PM20D2: variants seen among roughly 807,000 people sequenced by gnomAD.
The protein encoded by PM20D2 is peptidase M20 domain containing 2.
PM20D2 carries 33 observed loss-of-function variants against 42.9 expected under a neutral mutation model. The ratio of observed to expected loss-of-function variants is 0.77; its 90% confidence interval spans 0.58 to 1.03. The LOEUF (loss-of-function observed/expected upper bound fraction) is 1.03, where lower values mean the gene tolerates loss of function less well. PM20D2 is among the 50% of genes least tolerant of loss of function. The pLI, the probability that PM20D2 is intolerant of heterozygous loss-of-function variation, is 0.00. For missense variants in PM20D2, 548 were observed against 557.0 expected (o/e 0.98, Z 0.16); for synonymous variants, 250 against 228.2 (o/e 1.10, Z -0.86).
chr6:89,120,794 G>T, the PM20D2 span, among the ~76,000 whole-genome samples: 4,148 of 152,220 alleles, frequency 0.027, 202 homozygotes, highest in African/African-American at 0.095. Context: ...GATTGCTTGA[G>T]CCCAGGAGTT....
In PM20D2 at chr6:89,146,257, T is replaced by C. The variant is rs901888037; in HGVS notation, c.113T>C (p.Leu38Pro). 6.3e-7 allele frequency: 1 copy of C among 1,580,012 alleles called. No individual in the cohort carries two copies. Among genetic ancestry groups the C allele is most frequent in the Non-Finnish European group, 8.5e-7 (1 of 1,170,922 alleles). ...AECIDEAAERLGALSRAIWSQ... is the reference protein window; with the variant it reads ...AECIDEAAERPGALSRAIWSQ... The stretch of plus-strand genomic sequence containing the variant: ...TGCATCGACGAGGCGGCCGAGCGGC[T>C]GGGGGCCCTGAGCCGCGCGATCTGG... The change falls in exon 1 of 7, where the codon CTG (leucine) becomes CCG (proline). Residue 38 changes from leucine (L) to proline (P), a missense_variant. Transcript: ENST00000275072.
the PM20D2 span, chr6:89,106,925 G>A: frequency 4.8e-5 from 27 of 559,524 alleles, no homozygotes; most frequent in Admixed American, 4.4e-4. Context: ...TTGAACTTTA[G>A]GTGCCTTTTG....
intron 1 of PM20D2, among the ~76,000 whole-genome samples, chr6:89,147,686 C>T (rs1225934947): frequency 1.3e-5 from 2 of 151,112 alleles, no homozygotes; most frequent in South Asian, 2.1e-4. Flanking sequence ...GTTCGAGACC[C>T]GCCTGGCCAA....
rs566274763 is a variant in PM20D2 at position 89,162,710 on chromosome 6, C to T, written c.*447C>T. The T allele has an allele frequency of 6.5e-6, 1 of 153,162 alleles. No individual in the cohort carries two copies. Among genetic ancestry groups the T allele is most frequent in the African/African-American group, 2.4e-5 (1 of 41,538 alleles). 9.5% of individuals were successfully genotyped at this position (153,162 alleles called of 1,614,324 possible). A position where few individuals can be genotyped will look rare whatever the true frequency, so the allele number is the denominator to read the frequency against. ...GTGTTTTGTGGTATAGGGTGGTAAA[C>T]TTGTTCTCTAATCGTATATTAATTC... On this transcript the variant is annotated 3_prime_UTR_variant, in exon 7 of 7. Coordinates refer to ENST00000275072, the MANE Select transcript of PM20D2 (RefSeq NM_001010853.3).
At position 89,149,365 on chromosome 6, in the gene PM20D2, A is replaced by G. The variant is rs1770748556; in HGVS notation, c.566A>G (p.His189Arg). ...FTNLDVVFMA[H>R]PSQENAAYLP... ...AATCTTGATGTTGTTTTTATGGCCC[A>G]CCCATCACAAGAGAATGCTGCTTAT... is the stretch of plus-strand genomic sequence containing the variant. Residue 189 changes from histidine to arginine, a missense_variant, in exon 2 of 7, where the codon CAC becomes CGC. This residue lies in a region of PM20D2 where 470 missense variants were observed against 464.4 expected (regional missense o/e 1.01). Transcript: ENST00000275072. The G allele has an allele frequency of 6.2e-7, 1 of 1,613,994 alleles. No homozygotes were observed. The highest frequency in any genetic ancestry group is 1.3e-5 in the African/African-American group (1 of 74,932).
In PM20D2 at chr6:89,153,201, A is replaced by G. The variant is rs1279955960; in HGVS notation, c.757+16A>G. The G allele has an allele frequency of 7.7e-6, 12 of 1,566,046 alleles. No homozygotes were observed. Among genetic ancestry groups the G allele is most frequent in the Non-Finnish European group, 8.6e-6 (10 of 1,157,082 alleles). ...AGAGTTCATGGTATGAATGTCAAAT[A>G]CCTTCTATAATAGATGGTGCTTGCT... On this transcript the variant is annotated intron_variant, in intron 3 of 6. Coordinates refer to ENST00000275072, the MANE Select transcript of PM20D2 (RefSeq NM_001010853.3).
chr6:89,159,071 G>T (rs963751464), intron 5 of PM20D2, among the ~76,000 whole-genome samples: 1 of 152,082 alleles, frequency 6.6e-6, no homozygotes, highest in Non-Finnish European at 1.5e-5. Flanking sequence ...GTAAGAGGGG[G>T]TTGTTATAAA....
the PM20D2 span, chr6:89,107,230 G>T: frequency 6.2e-7 from 1 of 1,613,918 alleles, no homozygotes; most frequent in South Asian, 1.1e-5. Flanking sequence ...GGGCCATATC[G>T]ACCAAACTCA....
Position 89,162,324 on chromosome 6 carries a change from T to C in PM20D2, c.*61T>C. On this transcript the variant is annotated 3_prime_UTR_variant, in exon 7 of 7. Transcript: ENST00000275072. ...GATGATTTTTTTCTTTTAATCTCTT[T>C]TAATGAAGGCATGCTTGTTTTTTAA... is the stretch of plus-strand genomic sequence containing the variant. 1 of 1,478,326 alleles carries C rather than the reference T, an allele frequency of 6.8e-7. No individual in the cohort carries two copies. Among genetic ancestry groups the C allele is most frequent in the South Asian group, 1.3e-5 (1 of 76,744 alleles). 91.6% of individuals were successfully genotyped at this position (1,478,326 alleles called of 1,614,324 possible).
the PM20D2 span, chr6:89,098,461 G>A: frequency 7.7e-7 from 1 of 1,303,912 alleles, no homozygotes; most frequent in African/African-American, 1.5e-5. Flanking sequence ...TCTTCCATAT[G>A]CCCAAAGTAA....
chr6:89,125,568 G>GTCAAGAGT, the PM20D2 span, among the ~76,000 whole-genome samples: 1 of 151,774 alleles, frequency 6.6e-6, no homozygotes, highest in Non-Finnish European at 1.5e-5. Flanking sequence ...ATTACCAGAG[G>GTCAAGAGT]TCAAGAGTTC....
the PM20D2 span, chr6:89,118,093 G>GGGCGGCGGC: frequency 3.1e-4 from 49 of 155,746 alleles, 1 homozygote; most frequent in Non-Finnish European, 5.3e-4. Context: ...CCGGGGGCGG[G>GGGCGGCGGC]GGCGGCGCCG....
At chr6:89,100,411 A>C in the PM20D2 span, among the ~76,000 whole-genome samples, 1 of 152,358 alleles carries the variant, frequency 6.6e-6, no homozygotes, top group Non-Finnish European at 1.5e-5. Flanking sequence ...ACCAAGCCTT[A>C]AGATCAAAGT....
chr6:89,143,273 A>G (rs914741849), upstream of PM20D2, among the ~76,000 whole-genome samples: 2 of 152,186 alleles, frequency 1.3e-5, no homozygotes, highest in African/African-American at 2.4e-5. Context: ...TAGTTGTACA[A>G]TTTGGCTGTA....
the PM20D2 span, chr6:89,098,621 G>T: frequency 1.2e-6 from 2 of 1,613,674 alleles, no homozygotes; most frequent in African/African-American, 1.3e-5. Context: ...TCTGGAATGT[G>T]ACCGAAAATG....
the PM20D2 span, among the ~76,000 whole-genome samples, chr6:89,136,977 A>C: frequency 6.6e-6 from 1 of 151,030 alleles, no homozygotes; most frequent in Non-Finnish European, 1.5e-5. Flanking sequence ...TCAGCTTTTA[A>C]GGTTTTTCAA....
intron 1 of PM20D2, chr6:89,148,383 C>A: frequency 4.1e-6 from 1 of 245,468 alleles, no homozygotes; most frequent in Non-Finnish European, 6.5e-6. Flanking sequence ...CAAGACTTTT[C>A]CAGCTTGTTT....
chr6:89,129,876 T>C, the PM20D2 span, among the ~76,000 whole-genome samples: 2 of 152,004 alleles, frequency 1.3e-5, no homozygotes, highest in Non-Finnish European at 2.9e-5. Flanking sequence ...TACAGGTGTG[T>C]GCCACCATGC....
In PM20D2 at chr6:89,146,066, T is replaced by C; in HGVS notation, c.-79T>C. The C allele has an allele frequency of 2.3e-6, 3 of 1,276,834 alleles. No homozygotes were observed. The highest frequency in any genetic ancestry group is 1.9e-5 in the South Asian group (1 of 51,986). 79.1% of individuals were successfully genotyped at this position (1,276,834 alleles called of 1,614,324 possible). On this transcript the variant is annotated 5_prime_UTR_variant, in exon 1 of 7. Coordinates refer to ENST00000275072, the MANE Select transcript of PM20D2 (RefSeq NM_001010853.3). ...GCTCCGCCGGGGTCCTGGAGGCCTC[T>C]GGGCGCGTGCGCGGGCGGTCGCTAC...
Sources: gnomAD v4.1 joint callset for allele counts (sites outside exome capture counted in the v4.1 genomes callset) on GRCh38, gnomAD v4.1.1 for gene constraint, gnomAD v4.1.1 regional missense constraint, MANE v1.5 for transcripts, NCBI Gene and HGNC (gene_info 2026-07-23, HGNC 2026-07-21) for gene names.